Variants in CSMD1 observed in about 807,000 individuals in gnomAD.
The protein encoded by CSMD1 is CUB and sushi domain-containing protein 1.
In CSMD1, 213 loss-of-function variants were observed where a neutral mutation model predicts 417.5. That is an observed-to-expected ratio of 0.51 (90% CI 0.46 to 0.57). The LOEUF (loss-of-function observed/expected upper bound fraction) is 0.57. Among genes scored for constraint, CSMD1 ranks in the 20% least tolerant of loss-of-function variants. CSMD1 has a pLI of 0.00. For missense variants in CSMD1, 6,923 were observed against 4,529.7 expected (o/e 1.53, Z -15.17); for synonymous variants, 2,862 against 1,736.8 (o/e 1.65, Z -16.11).
chr8:4,047,557 T>C (rs1194635270), intron 3 of CSMD1, among the ~76,000 whole-genome samples: 3 of 150,724 alleles, frequency 2.0e-5, no homozygotes, highest in South Asian at 2.1e-4. Flanking sequence ...CAAATATTTA[T>C]AGAATGCAAA....
At chr8:4,434,455 C>G (rs1183614543) in intron 2 of CSMD1, among the ~76,000 whole-genome samples, 1 of 152,106 alleles carries the variant, frequency 6.6e-6, no homozygotes. Context: ...GTGACCCATC[C>G]TATGAAGTCC....
At chr8:4,476,549 A>C (rs2130093642) in intron 2 of CSMD1, among the ~76,000 whole-genome samples, 2 of 152,326 alleles carry the variant, frequency 1.3e-5, no homozygotes, top group East Asian at 3.9e-4. Flanking sequence ...TAAAACAGAA[A>C]GGGATTTTAA....
chr8:3,501,428 C>A (rs536349973), intron 10 of CSMD1, among the ~76,000 whole-genome samples: 8 of 152,164 alleles, frequency 5.3e-5, no homozygotes, highest in Admixed American at 5.2e-4. Flanking sequence ...TGATGGCAGG[C>A]AAATGAATAG....
At chr8:4,296,915 T>G (rs1797718761) in intron 3 of CSMD1, among the ~76,000 whole-genome samples, 1 of 152,078 alleles carries the variant, frequency 6.6e-6, no homozygotes, top group African/African-American at 2.4e-5. Flanking sequence ...TATATTCCTG[T>G]GCATGAGTGA....
chr8:3,133,492 C>T, intron 41 of CSMD1, among the ~76,000 whole-genome samples: 1 of 152,142 alleles, frequency 6.6e-6, no homozygotes, highest in Non-Finnish European at 1.5e-5. Flanking sequence ...GAGCAGAAGG[C>T]AATCCTGTTA....
intron 7 of CSMD1, among the ~76,000 whole-genome samples, chr8:3,687,411 G>C (rs771877492): frequency 1.4e-4 from 22 of 152,178 alleles, no homozygotes; most frequent in Non-Finnish European, 2.8e-4. Flanking sequence ...TCTAATTTTA[G>C]GCTGGAAAAC....
intron 2 of CSMD1, among the ~76,000 whole-genome samples, chr8:4,604,094 A>G (rs1486343894): frequency 1.3e-5 from 2 of 152,024 alleles, no homozygotes; most frequent in Non-Finnish European, 2.9e-5. Flanking sequence ...ATAGACAGAT[A>G]AACAATTTTT....
chr8:4,286,163 CAA>C (rs1238079582), intron 3 of CSMD1, among the ~76,000 whole-genome samples: 4 of 151,992 alleles, frequency 2.6e-5, no homozygotes, highest in African/African-American at 9.7e-5. Context: ...GTACCATAAA[CAA>C]AAGTCAAGAG....
chr8:3,743,120 G>T (rs901399165), intron 6 of CSMD1, among the ~76,000 whole-genome samples: 1 of 152,188 alleles, frequency 6.6e-6, no homozygotes, highest in South Asian at 2.1e-4. Flanking sequence ...GGAACTGAGA[G>T]ACTTGCTCAG....
At chr8:4,193,183 C>G (rs1236379056) in intron 3 of CSMD1, among the ~76,000 whole-genome samples, 1 of 152,090 alleles carries the variant, frequency 6.6e-6, no homozygotes, top group African/African-American at 2.4e-5. Flanking sequence ...AACCTCAGCT[C>G]TTTGGAGTCA....
intron 1 of CSMD1, among the ~76,000 whole-genome samples, chr8:4,794,236 TCA>T (rs531360447): frequency 3.2e-3 from 230 of 71,110 alleles, no homozygotes; most frequent in African/African-American, 8.2e-3. Flanking sequence ...ACACTTTTTG[TCA>T]GTAATATTTT....
intron 3 of CSMD1, among the ~76,000 whole-genome samples, chr8:4,293,993 G>C (rs546612886): frequency 6.6e-6 from 1 of 152,170 alleles, no homozygotes; most frequent in African/African-American, 2.4e-5. Context: ...ACCAAATAGT[G>C]TGTATAAAAA....
At chr8:3,094,561 T>A (rs985839532) in intron 47 of CSMD1, among the ~76,000 whole-genome samples, 1 of 152,140 alleles carries the variant, frequency 6.6e-6, no homozygotes, top group Non-Finnish European at 1.5e-5. Context: ...AAGGAAGGTA[T>A]CCATTTCTGT....
chr8:4,994,344 T>G lies in CSMD1; in HGVS notation c.73A>C (p.Thr25Pro). The change falls in exon 1 of 70, where the codon ACT becomes CCT. Residue 25 changes from threonine to proline, a missense_variant. Transcript: ENST00000635120. ...GLLVLCARLL[T>P]AAKGQNCGGL... ...AAGTCCGTCTTACCCTTCGCTGCAGTGAGGAGCCTCGCGCACAGCACCAGC... is the reference window on the plus strand; with the variant it reads ...AAGTCCGTCTTACCCTTCGCTGCAGGGAGGAGCCTCGCGCACAGCACCAGC... 1 of 1,611,010 alleles carries G rather than the reference T, an allele frequency of 6.2e-7. No individual in the cohort carries two copies. Among genetic ancestry groups the G allele is most frequent in the Non-Finnish European group, 8.5e-7 (1 of 1,179,780 alleles).
At chr8:4,989,423 C>T (rs1811351391) in intron 1 of CSMD1, among the ~76,000 whole-genome samples, 1 of 152,182 alleles carries the variant, frequency 6.6e-6, no homozygotes, top group African/African-American at 2.4e-5. Context: ...TATTTCCATA[C>T]AACCCAAAGA....
chr8:3,935,032 C>T (rs759299905), intron 5 of CSMD1, among the ~76,000 whole-genome samples: 17 of 152,092 alleles, frequency 1.1e-4, no homozygotes, highest in Non-Finnish European at 1.9e-4. Context: ...AACTCCAAAG[C>T]TAGTCTCGTT....
At position 4,421,699 on chromosome 8, in the gene CSMD1, T is replaced by C. The variant is rs151109283; in HGVS notation, c.303-1634A>G. Among the ~76,000 whole-genome samples the C allele has an allele frequency of 5.4e-3, 818 of 152,026 alleles. 3 individuals are homozygous for C. The highest frequency in any genetic ancestry group is 0.018 in the African/African-American group (764 of 41,496). The stretch of plus-strand genomic sequence containing the variant: ...ACTCAGCTAAGCAGTGCTGAGAAGG[T>C]AATTAGTCGCACTAAAAACACAGCT... On this transcript the variant is annotated intron_variant, in intron 2 of 69. Coordinates refer to ENST00000635120, the MANE Select transcript of CSMD1 (RefSeq NM_033225.6).
At position 3,784,396 on chromosome 8, in the gene CSMD1, G is replaced by T. The variant is rs372188936; in HGVS notation, c.819-30354C>A. Among the ~76,000 whole-genome samples the T allele has an allele frequency of 4.9e-4, 74 of 152,240 alleles. 1 individual carries two copies. The South Asian group carries it at 0.012, about 24-fold the overall frequency. ...AGAAATCACACGATTCTTCAGCCCA[G>T]AAATAACTGCTGTTAGTATTATGCT... On this transcript the variant is annotated intron_variant, in intron 5 of 69. Coordinates refer to ENST00000635120, the MANE Select transcript of CSMD1 (RefSeq NM_033225.6).
chr8:4,039,053 CTACAA>C (rs554265301), intron 3 of CSMD1, among the ~76,000 whole-genome samples: 3 of 93,742 alleles, frequency 3.2e-5, no homozygotes, highest in South Asian at 3.1e-4. Flanking sequence ...AAGCATGATA[CTACAA>C]TACAATATTA....
Sources: allele counts gnomAD v4.1 joint callset (sites outside exome capture counted in the v4.1 genomes callset), GRCh38; gene constraint gnomAD v4.1.1; transcripts MANE v1.5; gene names NCBI Gene and HGNC (gene_info 2026-07-23, HGNC 2026-07-21).